GLRA3: variants seen among roughly 807,000 people sequenced by gnomAD.
GLRA3 encodes the protein glycine receptor alpha 3.
GLRA3 carries 44 observed loss-of-function variants against 60.4 expected under a neutral mutation model. The observed-to-expected ratio is 0.73, with a 90% CI of 0.57 to 0.94. The LOEUF is 0.94. Ranked by LOEUF, GLRA3 falls within the 40% of genes least tolerant of loss-of-function variation. The pLI is 0.00. For missense variants in GLRA3, 508 were observed against 564.6 expected, an observed-to-expected ratio of 0.90 and a Z score of 1.02; for synonymous variants, 223 against 192.9, an observed-to-expected ratio of 1.16 and a Z score of -1.29.
chr4:174,648,324 C>T (rs148196633), intron 9 of GLRA3, among the ~76,000 whole-genome samples: 199 of 152,152 alleles, frequency 1.3e-3, no homozygotes, highest in African/African-American at 4.4e-3. Flanking sequence ...ATTAGCCAGG[C>T]GTGGTGGTAC....
intron 3 of GLRA3, among the ~76,000 whole-genome samples, chr4:174,738,639 A>G (rs1262758829): frequency 6.6e-6 from 1 of 152,216 alleles, no homozygotes; most frequent in Non-Finnish European, 1.5e-5. Flanking sequence ...TTTCATTTCC[A>G]CATTATAGTT....
intron 2 of GLRA3, among the ~76,000 whole-genome samples, chr4:174,768,595 T>A (rs1738247059): frequency 6.6e-6 from 1 of 152,066 alleles, no homozygotes; most frequent in African/African-American, 2.4e-5. Context: ...GGAGCAGAAA[T>A]TGGTAAATTG....
chr4:174,688,735 T>C (rs1246957795), intron 5 of GLRA3, among the ~76,000 whole-genome samples: 2 of 151,798 alleles, frequency 1.3e-5, no homozygotes, highest in Non-Finnish European at 1.5e-5. Flanking sequence ...GAACTAGATA[T>C]TGGAAATGAG....
intron 4 of GLRA3, among the ~76,000 whole-genome samples, chr4:174,721,031 G>GTGTGTT (rs111319667): frequency 0.14 from 21,546 of 151,062 alleles, 1,807 homozygotes; most frequent in South Asian, 0.2. Flanking sequence ...GTGTGTGTGT[G>GTGTGTT]TGTGTGTGTG....
intron 3 of GLRA3, among the ~76,000 whole-genome samples, chr4:174,733,425 A>G (rs1459969587): frequency 1.3e-5 from 2 of 152,102 alleles, no homozygotes; most frequent in African/African-American, 2.4e-5. Flanking sequence ...CTGTGAAGAG[A>G]CTACCTCTCC....
intron 4 of GLRA3, among the ~76,000 whole-genome samples, chr4:174,721,857 ATGTG>A (rs887922140): frequency 5.7e-4 from 56 of 97,732 alleles, no homozygotes; most frequent in Non-Finnish European, 1.0e-3. Flanking sequence ...GTGTATACAT[ATGTG>A]TGTGTATATG....
intron 2 of GLRA3, among the ~76,000 whole-genome samples, chr4:174,775,604 T>C (rs1738567463): frequency 6.6e-6 from 1 of 152,168 alleles, no homozygotes; most frequent in Non-Finnish European, 1.5e-5. Context: ...GTTGCACTTA[T>C]GAGTCATAAG....
rs944734934 is a variant in GLRA3, at chr4:174,757,462, G to A, written c.267+9501C>T. ...GGTTGGGGTGGGAAAAATACAAGAT[G>A]AGTCTGGAACATCTTATATTTACAG... On this transcript the variant is annotated intron_variant, in intron 3 of 9. Transcript: ENST00000274093. Among the ~76,000 whole-genome samples the A allele has an allele frequency of 4.6e-5, 7 of 152,232 alleles. No individual in the cohort carries two copies. The East Asian group carries it at 5.8e-4, about 13-fold the overall frequency.
chr4:174,697,040 A>C (rs545247003), intron 5 of GLRA3, among the ~76,000 whole-genome samples: 1 of 152,184 alleles, frequency 6.6e-6, no homozygotes, highest in Non-Finnish European at 1.5e-5. Context: ...TTTAAAAATC[A>C]TAAAATCTTT....
At chr4:174,689,356 G>C (rs1474626043) in intron 5 of GLRA3, among the ~76,000 whole-genome samples, 2 of 152,160 alleles carry the variant, frequency 1.3e-5, no homozygotes, top group Non-Finnish European at 2.9e-5. Flanking sequence ...ATGAATATCT[G>C]TGTAGCAGCA....
At chr4:174,719,834 G>C (rs760208679) in intron 4 of GLRA3, among the ~76,000 whole-genome samples, 2 of 152,044 alleles carry the variant, frequency 1.3e-5, no homozygotes, top group African/African-American at 2.4e-5. Context: ...TTCTTCTTAC[G>C]ACATGCATTT....
chr4:174,681,542 T>C lies in GLRA3; in HGVS notation c.712+1260A>G, dbSNP rs117235210. 2.3e-4 allele frequency among the ~76,000 whole-genome samples: 35 copies of C among 152,236 alleles called. No homozygotes were observed. The East Asian group carries it at 6.4e-3, about 28-fold the overall frequency. On this transcript the variant is annotated intron_variant, in intron 6 of 9. Transcript: ENST00000274093. ...CCCATGTGACTCTGGAGGCAGAGAC[T>C]GAAATGATGCATCTGCAAGCTGAGA...
chr4:174,653,680 T>G (rs949364257), intron 9 of GLRA3, among the ~76,000 whole-genome samples: 3 of 152,070 alleles, frequency 2.0e-5, no homozygotes, highest in African/African-American at 7.2e-5. Context: ...TATCTATATC[T>G]AGCATAATAT....
intron 1 of GLRA3, among the ~76,000 whole-genome samples, chr4:174,820,280 G>A (rs914103856): frequency 6.6e-6 from 1 of 152,174 alleles, no homozygotes; most frequent in South Asian, 2.1e-4. Flanking sequence ...CTCGTCAAAT[G>A]TTCCCCTGAA....
Position 174,640,125 on chromosome 4 carries a change from C to T in GLRA3, c.*3661G>A, listed in dbSNP as rs547071384. ...AAATTTTGGGAGTTTATGCTATTAT[C>T]TATGTTGCAAAGAGTGTGGAATCAC... On this transcript the variant is annotated 3_prime_UTR_variant, in exon 10 of 10. Transcript: ENST00000274093. The T allele has an allele frequency of 3.3e-5, 5 of 152,096 alleles. No individual in the cohort carries two copies. The highest frequency in any genetic ancestry group is 1.2e-4 in the African/African-American group (5 of 41,520). The allele number at this position is 152,096 out of a possible 1,614,324, so 9.4% of individuals were successfully genotyped here.
intron 5 of GLRA3, among the ~76,000 whole-genome samples, chr4:174,685,226 A>G (rs1734510118): frequency 1.3e-5 from 2 of 151,924 alleles, no homozygotes; most frequent in Non-Finnish European, 2.9e-5. Context: ...ACCCTCCCCA[A>G]TACCTGGGAA....
intron 5 of GLRA3, among the ~76,000 whole-genome samples, chr4:174,708,422 T>C (rs566127868): frequency 6.6e-6 from 1 of 151,820 alleles, no homozygotes; most frequent in Non-Finnish European, 1.5e-5. Context: ...CCAACAATAC[T>C]ACTAAAGTAT....
At chr4:174,647,293 A>C (rs1001931977) in intron 9 of GLRA3, among the ~76,000 whole-genome samples, 1 of 151,932 alleles carries the variant, frequency 6.6e-6, no homozygotes, top group Admixed American at 6.6e-5. Flanking sequence ...CTGTGGGCCC[A>C]GCTACTCTGG....
rs565258306 is a variant in GLRA3, at chr4:174,659,548, T to A, written c.928-351A>T. 1.0e-3 allele frequency among the ~76,000 whole-genome samples: 154 copies of A among 152,248 alleles called. No individual in the cohort carries two copies. In the South Asian group the frequency reaches 0.013, roughly 13 times the overall value. On this transcript the variant is annotated intron_variant, in intron 7 of 9. Transcript: ENST00000274093. ...AGTTCCATATTTTCATCAATTTTTT[T>A]AAAAAAATTAAAATTGTATTTATTA...
Sources: gnomAD v4.1 joint callset for allele counts (sites outside exome capture counted in the v4.1 genomes callset) on GRCh38, gnomAD v4.1.1 for gene constraint, MANE v1.5 for transcripts, NCBI Gene and HGNC (gene_info 2026-07-23, HGNC 2026-07-21) for gene names.